Variants in PGRMC2 observed in about 807,000 individuals in gnomAD.
The protein encoded by PGRMC2 is membrane-associated progesterone receptor component 2.
A neutral mutation model predicts 19.3 loss-of-function variants in PGRMC2; 9 were observed. The ratio of observed to expected loss-of-function variants is 0.47; its 90% CI spans 0.28 to 0.81. The LOEUF (loss-of-function observed/expected upper bound fraction) is 0.81, where lower values mean the gene tolerates loss of function less well. PGRMC2 is among the 40% of genes least tolerant of loss of function. The pLI is 0.11. For missense variants in PGRMC2, 289 were observed against 297.3 expected (o/e 0.97, Z 0.21); for synonymous variants, 157 against 124.6 (o/e 1.26, Z -1.73).
At chr4:128,278,034 A>C (rs1760838199) in intron 1 of PGRMC2, among the ~76,000 whole-genome samples, 1 of 152,190 alleles carries the variant, frequency 6.6e-6, no homozygotes, top group Non-Finnish European at 1.5e-5. Context: ...GCTCAGCAAC[A>C]TTGTGAACTG....
Position 128,287,740 on chromosome 4 carries a change from G to C in PGRMC2, c.51C>G (p.Ser17Arg). The C allele has an allele frequency of 6.8e-7, 1 of 1,474,446 alleles. No individual in the cohort carries two copies. Among genetic ancestry groups the C allele is most frequent in the Non-Finnish European group, 9.2e-7 (1 of 1,082,434 alleles). The allele number at this position is 1,474,446 out of a possible 1,614,324, so 91.3% of individuals were successfully genotyped here. A position where few individuals can be genotyped will look rare whatever the true frequency, so the allele number is the denominator to read the frequency against. ...CGCTGCCGCCGTCGTTGCTGCTCTC[G>C]CTGCCACTCCCCAGGGTGCCTAGCT... ...DVKLGTLGSG[S>R]ESSNDGGSES... The change falls in exon 1 of 3, where the codon AGC (serine) becomes AGG (arginine). Residue 17 changes from serine to arginine, a missense_variant. Physicochemically the swap from Ser to Arg is moderately radical, Grantham distance 110. Transcript: ENST00000296425.
At chr4:128,274,289 A>T (rs935263871) in intron 1 of PGRMC2, among the ~76,000 whole-genome samples, 2 of 152,100 alleles carry the variant, frequency 1.3e-5, no homozygotes, top group African/African-American at 4.8e-5. Flanking sequence ...CTGTGGCAGC[A>T]GTGTTGAGGT....
chr4:128,287,450 G>A lies in PGRMC2; in HGVS notation c.341C>T (p.Ser114Phe). Residue 114 changes from serine (S) to phenylalanine (F), a missense_variant, in exon 1 of 3, where the codon TCC becomes TTC. Transcript: ENST00000296425. Reference protein sequence around the residue: ...SLEQLRQYDGSRNPRILLAVN... With the variant: ...SLEQLRQYDGFRNPRILLAVN... ...CGCGAGCAGGATGCGCGGGTTGCGG[G>A]AGCCGTCGTACTGGCGCAGCTGCTC... is the stretch of plus-strand genomic sequence containing the variant. 1 of 1,613,514 alleles carries A rather than the reference G, an allele frequency of 6.2e-7. No homozygotes were observed. Among genetic ancestry groups the A allele is most frequent in the Non-Finnish European group, 8.5e-7 (1 of 1,179,566 alleles).
rs866274699 is a variant in PGRMC2 at position 128,269,406 on chromosome 4, A to T, written c.*1910T>A. On this transcript the variant is annotated 3_prime_UTR_variant, in exon 3 of 3. Coordinates refer to ENST00000296425, the MANE Select transcript of PGRMC2 (RefSeq NM_006320.6). ...AGGCTTGAATGATTCATATATATAG[A>T]TATCAGTTTACTACAGAGGACATGT... 17 of 152,302 alleles carry T rather than the reference A, an allele frequency of 1.1e-4. No individual in the cohort carries two copies. Among genetic ancestry groups the T allele is most frequent in the African/African-American group, 4.1e-4 (17 of 41,570 alleles). The allele number at this position is 152,302 out of a possible 1,614,324, so 9.4% of individuals were successfully genotyped here. A position where few individuals can be genotyped will look rare whatever the true frequency, so the allele number is the denominator to read the frequency against.
chr4:128,278,496 C>T (rs189601531), intron 1 of PGRMC2, among the ~76,000 whole-genome samples: 13 of 152,144 alleles, frequency 8.5e-5, no homozygotes, highest in South Asian at 8.3e-4. Context: ...CGCTTGAACC[C>T]GGGATACGCA....
At chr4:128,271,514 A>C in intron 2 of PGRMC2, 101 bp from the exon 3 acceptor site, 2 of 593,866 alleles carry the variant, frequency 3.4e-6, no homozygotes, top group Non-Finnish European at 2.9e-6. Flanking sequence ...CATATAAAAT[A>C]TGATTATTAG....
In PGRMC2 at chr4:128,287,762, A is replaced by G. The variant is rs770262999; in HGVS notation, c.29T>C (p.Leu10Pro). 3 of 1,474,790 alleles carry G rather than the reference A, an allele frequency of 2.0e-6. No homozygotes were observed. Among genetic ancestry groups the G allele is most frequent in the Non-Finnish European group, 2.8e-6 (3 of 1,076,208 alleles). 91.4% of individuals were successfully genotyped at this position (1,474,790 alleles called of 1,614,324 possible). A position where few individuals can be genotyped will look rare whatever the true frequency, so the allele number is the denominator to read the frequency against. The change falls in exon 1 of 3, where the codon CTA (leucine) becomes CCA (proline). Residue 10 changes from leucine to proline, a missense_variant. Coordinates refer to ENST00000296425, the MANE Select transcript of PGRMC2 (RefSeq NM_006320.6). ...CTCGCTGCCACTCCCCAGGGTGCCT[A>G]GCTTCACGTCCCCATCACCAGCCGC... Reference protein sequence around the residue: MAAGDGDVKLGTLGSGSESS... With the variant: MAAGDGDVKPGTLGSGSESS...
At chr4:128,277,143 C>G (rs1208806578) in intron 1 of PGRMC2, among the ~76,000 whole-genome samples, 1 of 151,102 alleles carries the variant, frequency 6.6e-6, no homozygotes, top group Non-Finnish European at 1.5e-5. Flanking sequence ...GGCGACAGAG[C>G]GAGACTCCAT....
At chr4:128,276,689 CACTA>C (rs1651822959) in intron 1 of PGRMC2, among the ~76,000 whole-genome samples, 1 of 152,128 alleles carries the variant, frequency 6.6e-6, no homozygotes, top group African/African-American at 2.4e-5. Flanking sequence ...CTCATTTAGA[CACTA>C]ACAGTTCAGT....
chr4:128,284,142 C>T (rs746516594), intron 1 of PGRMC2, among the ~76,000 whole-genome samples: 4 of 151,980 alleles, frequency 2.6e-5, no homozygotes, highest in Non-Finnish European at 4.4e-5. Context: ...GCTTTAAATC[C>T]TTGGATTTAT....
chr4:128,272,001 CA>C (rs1760737808), intron 2 of PGRMC2, among the ~76,000 whole-genome samples: 2 of 152,174 alleles, frequency 1.3e-5, no homozygotes, highest in South Asian at 4.1e-4. Flanking sequence ...GTAAGTATCA[CA>C]ATTTTTGAGG....
rs754945545 is a variant in PGRMC2 at position 128,269,804 on chromosome 4, A to G, written c.*1512T>C. 3.3e-5 allele frequency: 5 copies of G among 152,354 alleles called. No individual in the cohort carries two copies. The highest frequency in any genetic ancestry group is 5.9e-5 in the Non-Finnish European group (4 of 68,028). 9.4% of individuals were successfully genotyped at this position (152,354 alleles called of 1,614,324 possible). A position where few individuals can be genotyped will look rare whatever the true frequency, so the allele number is the denominator to read the frequency against. On this transcript the variant is annotated 3_prime_UTR_variant, in exon 3 of 3. Coordinates refer to ENST00000296425, the MANE Select transcript of PGRMC2 (RefSeq NM_006320.6). ...CTAATAAAATAATAATTTAGTATCTATCAGTGCAATATTCTTTTACTGTTT... is the reference window on the plus strand; with the variant it reads ...CTAATAAAATAATAATTTAGTATCTGTCAGTGCAATATTCTTTTACTGTTT...
intron 1 of PGRMC2, among the ~76,000 whole-genome samples, chr4:128,278,715 C>T (rs1041983982): frequency 6.6e-6 from 1 of 152,020 alleles, no homozygotes; most frequent in South Asian, 2.1e-4. Context: ...ATTTTAAGTG[C>T]ATAAAGTCTT....
chr4:128,278,284 T>A (rs1225711426), intron 1 of PGRMC2, among the ~76,000 whole-genome samples: 1 of 152,194 alleles, frequency 6.6e-6, no homozygotes, highest in Non-Finnish European at 1.5e-5. Flanking sequence ...TGGGGAAACA[T>A]GTTGGGACAA....
intron 1 of PGRMC2, among the ~76,000 whole-genome samples, chr4:128,275,235 TACTTCAGGC>T (rs1457454560): frequency 3.3e-5 from 5 of 152,210 alleles, no homozygotes; most frequent in Non-Finnish European, 7.3e-5. Context: ...AACATTAATC[TACTTCAGGC>T]ACTTCAGAGT....
In PGRMC2 at chr4:128,287,467, C is replaced by A. The variant is rs761152918; in HGVS notation, c.324G>T (p.Leu108=). 6.2e-7 allele frequency: 1 copy of A among 1,613,774 alleles called. No homozygotes were observed. The highest frequency in any genetic ancestry group is 8.5e-7 in the Non-Finnish European group (1 of 1,179,768). Residue 108 remains leucine (L), a synonymous_variant, in exon 1 of 3, where the codon CTG becomes CTT. Transcript: ENST00000296425. The part of the protein sequence containing the change: ...MKKRDFSLEQ[L]RQYDGSRNPR... ...GGTTGCGGGAGCCGTCGTACTGGCGCAGCTGCTCCAAGCTGAAGTCCCGCT... is the reference window on the plus strand; with the variant it reads ...GGTTGCGGGAGCCGTCGTACTGGCGAAGCTGCTCCAAGCTGAAGTCCCGCT...
Position 128,271,194 on chromosome 4 carries a change from T to C in PGRMC2, c.*122A>G. 1.9e-6 allele frequency: 1 copy of C among 538,338 alleles called. No homozygotes were observed. The highest frequency in any genetic ancestry group is 3.4e-6 in the Non-Finnish European group (1 of 296,880). The allele number at this position is 538,338 out of a possible 1,614,324, so 33.3% of individuals were successfully genotyped here. ...TCTTCATAGTGAGATTAATTTATCT[T>C]GTACACAATTTGTTGAATGTTTTTC... is the stretch of plus-strand genomic sequence containing the variant. On this transcript the variant is annotated 3_prime_UTR_variant, in exon 3 of 3. Coordinates refer to ENST00000296425, the MANE Select transcript of PGRMC2 (RefSeq NM_006320.6).
intron 1 of PGRMC2, among the ~76,000 whole-genome samples, chr4:128,286,097 T>TTTTTTTTTTTTTTTTTTTTTTTTGAG: frequency 6.7e-6 from 1 of 150,280 alleles, no homozygotes; most frequent in East Asian, 1.9e-4. Flanking sequence ...TATATATTTT[T>TTTTTTTTTTTTTTTTTTTTTTTTGAG]AAGTGTCAAT....
Position 128,287,479 on chromosome 4 carries a change from G to C in PGRMC2, c.312C>G (p.Ser104Arg), listed in dbSNP as rs1221828682. ...SLPRMKKRDF[S>R]LEQLRQYDGS... ...CGTCGTACTGGCGCAGCTGCTCCAA[G>C]CTGAAGTCCCGCTTCTTCATGCGAG... is the stretch of plus-strand genomic sequence containing the variant. The change falls in exon 1 of 3, where the codon AGC becomes AGG. Residue 104 changes from serine (S) to arginine (R), a missense_variant. Coordinates refer to ENST00000296425, the MANE Select transcript of PGRMC2 (RefSeq NM_006320.6). 1 of 1,613,756 alleles carries C rather than the reference G, an allele frequency of 6.2e-7. No individual in the cohort carries two copies. The highest frequency in any genetic ancestry group is 1.1e-5 in the South Asian group (1 of 91,050).
Sources: allele counts gnomAD v4.1 joint callset (sites outside exome capture counted in the v4.1 genomes callset), GRCh38; gene constraint gnomAD v4.1.1; transcripts MANE v1.5; gene names NCBI Gene and HGNC (gene_info 2026-07-23, HGNC 2026-07-21).